Variants in NCOR1 observed in about 807,000 individuals in gnomAD.
The protein encoded by NCOR1 is nuclear receptor corepressor 1.
A neutral mutation model predicts 288.1 loss-of-function variants in NCOR1; 63 were observed. The ratio of observed to expected loss-of-function variants is 0.22; its 90% CI spans 0.18 to 0.27. The LOEUF (loss-of-function observed/expected upper bound fraction) is 0.27. Among genes scored for constraint, NCOR1 ranks in the 10% least tolerant of loss-of-function variants. The pLI, the probability that NCOR1 is intolerant of heterozygous loss-of-function variation, is 1.00. For missense variants in NCOR1, 2,397 were observed against 3,019.2 expected (o/e 0.79, Z 4.83); for synonymous variants, 1,007 against 1,065.9 (o/e 0.94, Z 1.08).
At chr17:16,147,712 T>C (rs952909433) in intron 9 of NCOR1, among the ~76,000 whole-genome samples, 19 of 152,214 alleles carry the variant, frequency 1.2e-4, no homozygotes, top group African/African-American at 4.6e-4. Flanking sequence ...TTCTGTGTCC[T>C]TCATCTTTTC....
At chr17:16,214,357 T>C (rs1030275405) in intron 1 of NCOR1, among the ~76,000 whole-genome samples, 4 of 152,212 alleles carry the variant, frequency 2.6e-5, no homozygotes, top group African/African-American at 9.7e-5. Flanking sequence ...TGAATCTTTG[T>C]AGGCATTTTT....
At chr17:16,158,717 G>A (rs759084563) in intron 6 of NCOR1, 43 bp downstream of exon 6, 1 of 1,222,778 alleles carries the variant, frequency 8.2e-7, no homozygotes, top group Non-Finnish European at 1.2e-6. Context: ...GCATCGTCAA[G>A]TGGGGTTAAA....
chr17:16,152,388 G>A (rs150277182), intron 7 of NCOR1, among the ~76,000 whole-genome samples: 1,628 of 152,050 alleles, frequency 0.011, 34 homozygotes, highest in African/African-American at 0.037. Flanking sequence ...CCATCTATGA[G>A]TGGGAACATG....
chr17:16,133,930 C>G (rs1044493739), intron 14 of NCOR1, among the ~76,000 whole-genome samples: 1 of 152,210 alleles, frequency 6.6e-6, no homozygotes, highest in Non-Finnish European at 1.5e-5. Flanking sequence ...AATCCGTTCT[C>G]CCCGCCTCCT....
chr17:16,134,072 G>C (rs61314420), intron 14 of NCOR1, among the ~76,000 whole-genome samples: 1,680 of 152,262 alleles, frequency 0.011, 35 homozygotes, highest in African/African-American at 0.038. Context: ...ACTGAAATCT[G>C]GCAGCCCTCT....
In NCOR1 at chr17:16,048,835, G is replaced by A. The variant is rs369823209; in HGVS notation, c.6536+10C>T. The stretch of plus-strand genomic sequence containing the variant: ...CATGAATGGTTGCTGTCACTAGGAA[G>A]CACACTTACCTCTGCTCTGCAGGCT... On this transcript the variant is annotated intron_variant, in intron 41 of 45. Transcript: ENST00000268712. The A allele has an allele frequency of 3.7e-5, 58 of 1,586,374 alleles. No homozygotes were observed. The highest frequency in any genetic ancestry group is 4.9e-5 in the Non-Finnish European group (57 of 1,161,936).
chr17:16,202,733 T>C (rs1253839603), intron 1 of NCOR1, among the ~76,000 whole-genome samples: 3 of 152,128 alleles, frequency 2.0e-5, no homozygotes. Flanking sequence ...CAGAGACAGA[T>C]ACCTTAAAGA....
chr17:16,112,778 T>A (rs576548288), intron 18 of NCOR1, among the ~76,000 whole-genome samples: 1 of 151,434 alleles, frequency 6.6e-6, no homozygotes, highest in African/African-American at 2.4e-5. Flanking sequence ...CGTGAGCCAC[T>A]GCACCTGGCC....
At chr17:16,071,784 T>TG in intron 29 of NCOR1, 119 bp from the exon 30 acceptor site, 2 of 901,248 alleles carry the variant, frequency 2.2e-6, no homozygotes, top group Non-Finnish European at 3.3e-6. Flanking sequence ...TTTAACATAA[T>TG]TTAAAATAAT....
intron 9 of NCOR1, among the ~76,000 whole-genome samples, chr17:16,147,695 A>G (rs901642339): frequency 2.0e-5 from 3 of 152,114 alleles, no homozygotes; most frequent in Admixed American, 6.5e-5. Context: ...AATTACTCCT[A>G]TATGTCTTCT....
At chr17:16,062,072 C>T (rs1245811958) in intron 36 of NCOR1, 33 bp downstream of exon 36, 3 of 1,605,714 alleles carry the variant, frequency 1.9e-6, no homozygotes, top group East Asian at 2.2e-5. Context: ...ATGCAAGAGA[C>T]ATTTTTTGTC....
intron 22 of NCOR1, among the ~76,000 whole-genome samples, chr17:16,090,978 T>C (rs1251645000): frequency 6.6e-6 from 1 of 152,222 alleles, no homozygotes; most frequent in Non-Finnish European, 1.5e-5. Context: ...AGCATATAAG[T>C]AGACTATAAA....
At chr17:16,155,256 C>A (rs768695043) in intron 6 of NCOR1, among the ~76,000 whole-genome samples, 2 of 150,330 alleles carry the variant, frequency 1.3e-5, no homozygotes, top group Non-Finnish European at 3.0e-5. Flanking sequence ...GAGGCTGAGG[C>A]GGGAGAATCA....
chr17:16,071,772 ATTTT>A, intron 29 of NCOR1, 107 bp from the exon 30 acceptor site: 8 of 1,036,330 alleles, frequency 7.7e-6, no homozygotes, highest in Non-Finnish European at 1.1e-5. Flanking sequence ...TGTTACATAT[ATTTT>A]AACATAATTT....
chr17:16,161,324 T>A (rs2080828056), intron 5 of NCOR1, among the ~76,000 whole-genome samples: 1 of 152,068 alleles, frequency 6.6e-6, no homozygotes, highest in Non-Finnish European at 1.5e-5. Context: ...AGTCTCACTC[T>A]TTTTGCCCAG....
Position 16,165,083 on chromosome 17 carries a change from A to G in NCOR1, c.514T>C (p.Ser172Pro), listed in dbSNP as rs761125618. ...TCTTCCTTTGAGAGTTTTGAAGGTGAAGCATTTTGATCATCTCCACATGGT... is the reference window on the plus strand; with the variant it reads ...TCTTCCTTTGAGAGTTTTGAAGGTGGAGCATTTTGATCATCTCCACATGGT... ...GQPCGDDQNA[S>P]PSKLSKEELI... Residue 172 changes from serine to proline, a missense_variant, in exon 5 of 46, where the codon TCA becomes CCA. Ser to Pro is a moderately conservative substitution (Grantham distance 74, BLOSUM62 -1). Around this residue, in one of 11 missense-constraint regions of NCOR1, gnomAD observed 110 missense variants for 123.2 expected, o/e 0.89. Coordinates refer to ENST00000268712, the MANE Select transcript of NCOR1 (RefSeq NM_006311.4). 1 of 1,611,346 alleles carries G rather than the reference A, an allele frequency of 6.2e-7. No homozygotes were observed. The highest frequency in any genetic ancestry group is 2.2e-5 in the East Asian group (1 of 44,816).
chr17:16,073,385 A>C (rs747417858), intron 28 of NCOR1, 44 bp downstream of exon 28: 1 of 1,499,940 alleles, frequency 6.7e-7, no homozygotes, highest in South Asian at 1.4e-5. Flanking sequence ...ATTACTATAT[A>C]AAATAACATG....
rs193239957 is a variant in NCOR1, at chr17:16,058,465, A to G, written c.6010+6T>C. On this transcript the variant is annotated splice_donor_region_variant and intron_variant, in intron 38 of 45. Transcript: ENST00000268712. ...AACATGTAAATGGTAGCTTAAGAAG[A>G]CATACTTTCCGCTTGATTTGCCTTA... 2.5e-4 allele frequency: 402 copies of G among 1,611,744 alleles called. 5 individuals carry two copies. In the East Asian group the frequency reaches 8.8e-3, roughly 35 times the overall value.
intron 4 of NCOR1, among the ~76,000 whole-genome samples, chr17:16,170,215 A>C (rs1399586170): frequency 6.6e-6 from 1 of 152,070 alleles, no homozygotes; most frequent in East Asian, 1.9e-4. Context: ...TCTTCATTGC[A>C]TAAAACTCAA....
Sources: gnomAD v4.1 joint callset for allele counts (sites outside exome capture counted in the v4.1 genomes callset) on GRCh38, gnomAD v4.1.1 for gene constraint, gnomAD v4.1.1 regional missense constraint, MANE v1.5 for transcripts, NCBI Gene and HGNC (gene_info 2026-07-23, HGNC 2026-07-21) for gene names.